LUC7L2: variants seen among roughly 807,000 people sequenced by gnomAD.
The protein encoded by LUC7L2 is putative RNA-binding protein Luc7-like 2.
LUC7L2 carries 25 observed loss-of-function variants against 52.8 expected under a neutral mutation model. The ratio of observed to expected loss-of-function variants is 0.47; its 90% CI spans 0.34 to 0.66. The LOEUF is 0.66. LUC7L2 is among the 30% of genes least tolerant of loss of function. The pLI is 0.01. For synonymous variants in LUC7L2, 144 were observed against 160.9 expected (o/e 0.89, Z 0.80); for missense variants, 328 against 497.8 (o/e 0.66, Z 3.25).
chr7:139,360,532 C>T (rs1799820108), intron 1 of LUC7L2, among the ~76,000 whole-genome samples: 1 of 152,170 alleles, frequency 6.6e-6, no homozygotes, highest in Non-Finnish European at 1.5e-5. Context: ...GAACTGCTGC[C>T]AATGGGGTGA....
intron 8 of LUC7L2, 53 bp downstream of exon 8, chr7:139,412,633 G>A (rs1195912390): frequency 3.9e-6 from 6 of 1,545,170 alleles, no homozygotes; most frequent in Admixed American, 2.2e-5. Flanking sequence ...TTTTTCAAAG[G>A]TAGTTTTTAT....
intron 1 of LUC7L2, among the ~76,000 whole-genome samples, chr7:139,361,202 T>C (rs766144166): frequency 1.3e-5 from 2 of 152,260 alleles, no homozygotes; most frequent in Non-Finnish European, 2.9e-5. Flanking sequence ...AGTAATGTAC[T>C]CTCAAATTCA....
At chr7:139,367,897 G>A (rs981206067) in intron 1 of LUC7L2, among the ~76,000 whole-genome samples, 1 of 152,174 alleles carries the variant, frequency 6.6e-6, no homozygotes, top group African/African-American at 2.4e-5. Context: ...GAGGTACCTG[G>A]CTGTGGGAAA....
chr7:139,360,283 C>T lies in LUC7L2; in HGVS notation c.22C>T (p.Arg8Cys), dbSNP rs867337268. 6.4e-7 allele frequency: 1 copy of T among 1,569,520 alleles called. No homozygotes were observed. The highest frequency in any genetic ancestry group is 1.8e-5 in the Admixed American group (1 of 54,106). The change falls in exon 1 of 10, where the codon CGC (arginine) becomes TGC (cysteine). Residue 8 changes from arginine to cysteine, a missense_variant. Arg to Cys is a radical substitution (Grantham distance 180, BLOSUM62 -3). Coordinates refer to ENST00000354926, the MANE Select transcript of LUC7L2 (RefSeq NM_016019.5). MSAQAQM[R>C]AMLDQLMGTS... Reference sequence around the variant, plus strand: ...CGCCATGTCGGCGCAGGCCCAGATGCGCGCGATGCTGGACCAGTTGATGGG... The same window carrying T: ...CGCCATGTCGGCGCAGGCCCAGATGTGCGCGATGCTGGACCAGTTGATGGG...
rs5887929 is a variant in LUC7L2, at chr7:139,390,215, GTCTCTC to G, written c.157-8364_157-8359del. Among the ~76,000 whole-genome samples, 183 of 148,814 alleles carry G rather than the reference GTCTCTC, an allele frequency of 1.2e-3. 2 individuals carry two copies. The highest frequency in any genetic ancestry group is 3.5e-3 in the African/African-American group (140 of 40,550). On this transcript the variant is annotated intron_variant, in intron 2 of 9. Coordinates refer to ENST00000354926, the MANE Select transcript of LUC7L2 (RefSeq NM_016019.5). ...GTGTTTTGATGTGGTCCAGTGCCCAGTCTCTCTCTCTCTCTCTCTCTCTCTTTTTTT... is the reference window on the plus strand; with the variant it reads ...GTGTTTTGATGTGGTCCAGTGCCCAGTCTCTCTCTCTCTCTCTCTTTTTTT...
intron 2 of LUC7L2, among the ~76,000 whole-genome samples, chr7:139,390,758 G>C (rs557986878): frequency 2.6e-5 from 4 of 151,534 alleles, no homozygotes; most frequent in African/African-American, 9.7e-5. Context: ...GGATTTCACC[G>C]TGTTAGCCAG....
chr7:139,405,814 T>C, intron 5 of LUC7L2, 27 bp downstream of exon 5: 1 of 1,569,048 alleles, frequency 6.4e-7, no homozygotes, highest in Non-Finnish European at 8.6e-7. Flanking sequence ...AGTAGACGAA[T>C]TCTGCTTAAT....
At chr7:139,364,982 T>G (rs73154140) in intron 1 of LUC7L2, among the ~76,000 whole-genome samples, 17 of 152,350 alleles carry the variant, frequency 1.1e-4, no homozygotes, top group Non-Finnish European at 7.3e-5. Context: ...AGACATTTTT[T>G]AAATAATAAC....
chr7:139,375,698 G>A (rs1800671390), intron 1 of LUC7L2: 5 of 867,518 alleles, frequency 5.8e-6, no homozygotes, highest in Non-Finnish European at 7.0e-6. Context: ...TCTCTTAGTG[G>A]GTCTGCAAGT....
At chr7:139,379,412 A>C (rs2131223420) in intron 2 of LUC7L2, among the ~76,000 whole-genome samples, 1 of 151,566 alleles carries the variant, frequency 6.6e-6, no homozygotes, top group South Asian at 2.1e-4. Flanking sequence ...ACTTTATATC[A>C]AGCACTTAGA....
chr7:139,356,755 G>C (rs1206270644), upstream of LUC7L2, among the ~76,000 whole-genome samples: 1 of 152,020 alleles, frequency 6.6e-6, no homozygotes, highest in Non-Finnish European at 1.5e-5. Context: ...GGCAGTATTC[G>C]AATTTTTGTG....
intron 9 of LUC7L2, among the ~76,000 whole-genome samples, 198 bp downstream of exon 9, chr7:139,417,927 C>T (rs1022065138): frequency 2.0e-5 from 3 of 152,092 alleles, no homozygotes; most frequent in Non-Finnish European, 4.4e-5. Context: ...TACTTATGAG[C>T]CAGAGCAAGA....
intron 6 of LUC7L2, among the ~76,000 whole-genome samples, chr7:139,409,263 G>A (rs1225179934): frequency 2.0e-5 from 3 of 150,378 alleles, no homozygotes; most frequent in Admixed American, 6.6e-5. Flanking sequence ...GCAACATAGC[G>A]AGATTCTGTC....
At chr7:139,418,344 TGTG>T (rs1429211341) in intron 9 of LUC7L2, among the ~76,000 whole-genome samples, 1 of 152,230 alleles carries the variant, frequency 6.6e-6, no homozygotes, top group Non-Finnish European at 1.5e-5. Flanking sequence ...AGGATTATAA[TGTG>T]GTAGAAGAGT....
chr7:139,422,039 CCT>C, intron 9 of LUC7L2, 122 bp from the exon 10 acceptor site: 1 of 1,395,234 alleles, frequency 7.2e-7, no homozygotes, highest in Non-Finnish European at 9.4e-7. Context: ...AAAACTGACT[CCT>C]CTGTCATGGG....
At position 139,423,334 on chromosome 7, in the gene LUC7L2, T is replaced by G. The variant is rs1200575764; in HGVS notation, c.*994T>G. The G allele has an allele frequency of 5.0e-6, 2 of 399,020 alleles. No homozygotes were observed. Among genetic ancestry groups the G allele is most frequent in the East Asian group, 3.6e-5 (1 of 28,062 alleles). The allele number at this position is 399,020 out of a possible 1,614,324, so 24.7% of individuals were successfully genotyped here. On this transcript the variant is annotated 3_prime_UTR_variant, in exon 10 of 10. Transcript: ENST00000354926. ...TCATGTGGGCCCCTTGCTGACTATA[T>G]TCCAGCCACTTCAGGGTTGTTTGTA...
At chr7:139,397,489 T>G (rs775033976) in intron 2 of LUC7L2, among the ~76,000 whole-genome samples, 60 of 152,316 alleles carry the variant, frequency 3.9e-4, no homozygotes, top group Non-Finnish European at 7.3e-4. Flanking sequence ...GCACCTAAAG[T>G]AGTGCTTACC....
intron 1 of LUC7L2, among the ~76,000 whole-genome samples, chr7:139,350,369 C>G (rs1457263305): frequency 6.6e-6 from 1 of 152,152 alleles, no homozygotes; most frequent in Non-Finnish European, 1.5e-5. Flanking sequence ...GATCCACCCG[C>G]CTCGACCTCC....
At chr7:139,343,115 T>G (rs888332791) in intron 1 of LUC7L2, among the ~76,000 whole-genome samples, 1 of 152,228 alleles carries the variant, frequency 6.6e-6, no homozygotes, top group Admixed American at 6.5e-5. Context: ...TTTGTCCTCA[T>G]GATTCAGGCT....
Sources: gnomAD v4.1 joint callset for allele counts (sites outside exome capture counted in the v4.1 genomes callset) on GRCh38, gnomAD v4.1.1 for gene constraint, MANE v1.5 for transcripts, NCBI Gene and HGNC (gene_info 2026-07-23, HGNC 2026-07-21) for gene names.